The following FILIP1L variants were observed in gnomAD, a reference collection of about 807,000 sequenced individuals.
FILIP1L encodes the protein filamin A-interacting protein 1-like.
A neutral mutation model predicts 96.6 loss-of-function variants in FILIP1L; 55 were observed. The observed-to-expected ratio is 0.57, with a 90% CI of 0.46 to 0.71. FILIP1L has a LOEUF of 0.71. Ranked by LOEUF, FILIP1L falls within the 30% of genes least tolerant of loss-of-function variation. The pLI is 0.00. For missense variants in FILIP1L, 1,304 were observed against 1,321.2 expected (o/e 0.99, Z 0.20); for synonymous variants, 467 against 473.9 (o/e 0.99, Z 0.19).
At chr3:99,923,761 T>G (rs1707197520) in intron 4 of FILIP1L, among the ~76,000 whole-genome samples, 1 of 152,252 alleles carries the variant, frequency 6.6e-6, no homozygotes, top group Non-Finnish European at 1.5e-5. Flanking sequence ...CATTTGCTCC[T>G]TCAGGCCAAC....
In FILIP1L at chr3:99,940,048, C is replaced by T. The variant is rs149651769; in HGVS notation, c.-10-9018G>A. On this transcript the variant is annotated intron_variant, in intron 1 of 5. Transcript: ENST00000477258. ...GAGGTCCAGTAGGGCAGACTTACAT[C>T]ATGGCTTTTCTTAGCTGTGTGTTGT... 2.7e-3 allele frequency among the ~76,000 whole-genome samples: 408 copies of T among 152,284 alleles called. 1 individual carries two copies. The highest frequency in any genetic ancestry group is 0.023 in the South Asian group (112 of 4,820).
At chr3:99,844,761 G>A (rs1282636237) in intron 5 of FILIP1L, among the ~76,000 whole-genome samples, 1 of 152,104 alleles carries the variant, frequency 6.6e-6, no homozygotes, top group South Asian at 2.1e-4. Context: ...CGTTTGGATC[G>A]TGGGGTGGTT....
intron 1 of FILIP1L, among the ~76,000 whole-genome samples, chr3:99,932,459 C>T (rs1707513481): frequency 6.6e-6 from 1 of 151,896 alleles, no homozygotes; most frequent in African/African-American, 2.4e-5. Context: ...CCATCATTTA[C>T]TTGTTCATTT....
At chr3:100,028,242 C>T (rs752200159) in intron 1 of FILIP1L, among the ~76,000 whole-genome samples, 2 of 152,182 alleles carry the variant, frequency 1.3e-5, no homozygotes, top group South Asian at 4.1e-4. Context: ...CTCAGACACA[C>T]TGAAGCTAAG....
chr3:99,983,456 A>ATATATGTG (rs1553702753), intron 1 of FILIP1L, among the ~76,000 whole-genome samples: 328 of 9,756 alleles, frequency 0.034, 11 homozygotes, highest in East Asian at 0.076. Context: ...GTATATATAT[A>ATATATGTG]TATGTGTGTA....
chr3:99,940,944 C>T (rs369881443), intron 1 of FILIP1L, among the ~76,000 whole-genome samples: 127 of 152,354 alleles, frequency 8.3e-4, no homozygotes, highest in Admixed American at 1.6e-3. Context: ...GATGTTGCAA[C>T]TCTTAAAGCG....
chr3:100,083,909 G>A (rs1344484568), intron 1 of FILIP1L, among the ~76,000 whole-genome samples: 1 of 152,016 alleles, frequency 6.6e-6, no homozygotes, highest in African/African-American at 2.4e-5. Context: ...AGTAGATTTT[G>A]GTCAGAAGTA....
intron 1 of FILIP1L, among the ~76,000 whole-genome samples, chr3:100,100,853 C>G (rs1028716241): frequency 1.3e-5 from 2 of 152,128 alleles, no homozygotes; most frequent in Non-Finnish European, 2.9e-5. Flanking sequence ...GAAGAGAATT[C>G]TTTCAGGCAG....
At chr3:99,918,066 C>T (rs1484508391) in intron 4 of FILIP1L, among the ~76,000 whole-genome samples, 1 of 152,156 alleles carries the variant, frequency 6.6e-6, no homozygotes, top group Non-Finnish European at 1.5e-5. Flanking sequence ...CAACCTCCAC[C>T]TCTTGGGTTC....
At chr3:99,991,836 A>ATGTGTGTG (rs112596171) in intron 1 of FILIP1L, among the ~76,000 whole-genome samples, 9 of 143,508 alleles carry the variant, frequency 6.3e-5, no homozygotes, top group Admixed American at 2.8e-4. Context: ...ATATATATAT[A>ATGTGTGTG]TGTGTGTGTG....
intron 1 of FILIP1L, among the ~76,000 whole-genome samples, chr3:99,967,266 A>C (rs759569402): frequency 1.3e-5 from 2 of 152,210 alleles, no homozygotes; most frequent in Non-Finnish European, 2.9e-5. Flanking sequence ...CTCTGATATT[A>C]ATACTTACCT....
intron 1 of FILIP1L, among the ~76,000 whole-genome samples, chr3:100,061,420 C>A (rs368159141): frequency 8.5e-5 from 13 of 152,192 alleles, no homozygotes; most frequent in African/African-American, 2.7e-4. Flanking sequence ...GTAGGCAATT[C>A]TTGGTTATTC....
intron 5 of FILIP1L, among the ~76,000 whole-genome samples, chr3:99,841,869 CTT>C (rs1488428091): frequency 6.6e-6 from 1 of 152,126 alleles, no homozygotes; most frequent in Non-Finnish European, 1.5e-5. Flanking sequence ...AAGGGGAACA[CTT>C]TTACACTGTT....
At position 99,849,781 on chromosome 3, in the gene FILIP1L, A is replaced by T. The variant is rs771698937; in HGVS notation, c.1895T>A (p.Val632Glu). The T allele has an allele frequency of 2.0e-5, 32 of 1,611,998 alleles. No individual in the cohort carries two copies. The East Asian group carries it at 6.0e-4, about 30-fold the overall frequency. The part of the protein sequence containing the change: ...NNKIKELSQE[V>E]ERLKLKLKDM... ...CTTTAGCTTCAGTTTCAGTCTTTCCACTTCTTGAGAGAGCTCCTTAATCTT... is the reference window on the plus strand; with the variant it reads ...CTTTAGCTTCAGTTTCAGTCTTTCCTCTTCTTGAGAGAGCTCCTTAATCTT... Residue 632 changes from valine to glutamate, a missense_variant, in exon 5 of 6, where the codon GTG becomes GAG. By Grantham distance (121) the Val-to-Glu change is moderately radical. Coordinates refer to ENST00000477258, the MANE Select transcript of FILIP1L (RefSeq NM_001387850.1).
At chr3:100,036,146 C>A (rs2065103459) in intron 1 of FILIP1L, among the ~76,000 whole-genome samples, 1 of 152,174 alleles carries the variant, frequency 6.6e-6, no homozygotes, top group Non-Finnish European at 1.5e-5. Context: ...TTAGGAAGGT[C>A]TTCTAAGGCA....
At chr3:99,887,820 G>A (rs945672410) in intron 4 of FILIP1L, among the ~76,000 whole-genome samples, 5 of 152,102 alleles carry the variant, frequency 3.3e-5, no homozygotes, top group Middle Eastern at 3.4e-3. Flanking sequence ...CTGCAGCCTC[G>A]ACCTCTTGGG....
rs755586670 is a variant in FILIP1L at position 99,930,025 on chromosome 3, C to A, written c.257G>T (p.Arg86Leu). ...LSILEGELQA[R>L]DEVIGILKAE... Reference sequence around the variant, plus strand: ...CTTTAAAATGCCTATGACCTCATCTCGAGCCTGTAGGAACAAAAAGTATTT... The same window carrying A: ...CTTTAAAATGCCTATGACCTCATCTAGAGCCTGTAGGAACAAAAAGTATTT... The change falls in exon 3 of 6, where the codon CGA (arginine) becomes CTA (leucine). Residue 86 changes from arginine (R) to leucine (L), a missense_variant. Transcript: ENST00000477258. 18 of 1,604,102 alleles carry A rather than the reference C, an allele frequency of 1.1e-5. No homozygotes were observed. The highest frequency in any genetic ancestry group is 1.4e-5 in the Non-Finnish European group (17 of 1,176,258).
chr3:99,859,929 G>T (rs143162646), intron 4 of FILIP1L, among the ~76,000 whole-genome samples: 302 of 152,276 alleles, frequency 2.0e-3, no homozygotes, highest in African/African-American at 6.8e-3. Flanking sequence ...TATTTCACAA[G>T]TCAAAGGTTT....
chr3:99,938,361 A>G (rs4244711), intron 1 of FILIP1L, among the ~76,000 whole-genome samples: 111,824 of 152,168 alleles, frequency 0.73, 41,800 homozygotes, highest in African/African-American at 0.88. Context: ...ATTTAAACTT[A>G]GTGTAGTGGG....
Sources: allele counts gnomAD v4.1 joint callset (sites outside exome capture counted in the v4.1 genomes callset), GRCh38; gene constraint gnomAD v4.1.1; transcripts MANE v1.5; gene names NCBI Gene and HGNC (gene_info 2026-07-23, HGNC 2026-07-21).